ARHGAP6: variants seen among roughly 807,000 people sequenced by gnomAD.
The protein encoded by ARHGAP6 is Rho GTPase activating protein 6, also known as rho GTPase-activating protein 6.
A neutral mutation model predicts 55.7 loss-of-function variants in ARHGAP6; 16 were observed. That is an observed-to-expected ratio of 0.29 (90% CI 0.19 to 0.44). The LOEUF (loss-of-function observed/expected upper bound fraction) is 0.44. ARHGAP6 is among the 20% of genes least tolerant of loss of function. The pLI, the probability that ARHGAP6 is intolerant of heterozygous loss-of-function variation, is 1.00. For missense variants in ARHGAP6, 698 were observed against 808.9 expected, an observed-to-expected ratio of 0.86 and a Z score of 1.66; for synonymous variants, 382 against 360.9, an observed-to-expected ratio of 1.06 and a Z score of -0.66.
At chrX:11,536,822 G>T (rs187673418) in intron 1 of ARHGAP6, among the ~76,000 whole-genome samples, 215 of 112,074 alleles carry the variant, frequency 1.9e-3, no homozygotes, top group Non-Finnish European at 3.6e-3. Flanking sequence ...TAAAAAGTAC[G>T]CTTGAACTCT....
At chrX:11,221,561 G>A (rs1221906807) in intron 2 of ARHGAP6, among the ~76,000 whole-genome samples, 2 of 111,759 alleles carry the variant, frequency 1.8e-5, no homozygotes, top group Non-Finnish European at 3.8e-5. Context: ...TGTGGAATGT[G>A]AGAATGCTTC....
intron 1 of ARHGAP6, among the ~76,000 whole-genome samples, chrX:11,415,580 A>G (rs1227082094): frequency 8.9e-6 from 1 of 112,247 alleles, no homozygotes; most frequent in African/African-American, 3.2e-5. Flanking sequence ...GTTGCTTCAC[A>G]TCCTTACCAC....
chrX:11,645,284 A>G (rs1274623381), intron 1 of ARHGAP6, among the ~76,000 whole-genome samples: 1 of 111,399 alleles, frequency 9.0e-6, no homozygotes, highest in African/African-American at 3.3e-5. Context: ...TGCATGTACT[A>G]AAATCCATAG....
chrX:11,495,002 G>A, intron 1 of ARHGAP6, among the ~76,000 whole-genome samples: 1 of 111,895 alleles, frequency 8.9e-6, no homozygotes. Context: ...AACATATTTA[G>A]GAAATATTGG....
chrX:11,611,580 T>C (rs1010602016), intron 1 of ARHGAP6, among the ~76,000 whole-genome samples: 18 of 111,874 alleles, frequency 1.6e-4, no homozygotes, highest in Non-Finnish European at 3.2e-4. Flanking sequence ...ATAATTTATA[T>C]GTCCCTGCCT....
intron 1 of ARHGAP6, among the ~76,000 whole-genome samples, chrX:11,487,107 G>A (rs1424933255): frequency 1.8e-5 from 2 of 112,028 alleles, no homozygotes; most frequent in Non-Finnish European, 3.8e-5. Flanking sequence ...TAGAAGCATT[G>A]GTGTGAAGTC....
In ARHGAP6 at chrX:11,195,741, T is replaced by C. The variant is rs1247457878; in HGVS notation, c.820+1184A>G. On this transcript the variant is annotated intron_variant, in intron 3 of 12. Transcript: ENST00000337414. ...TGCTTACCTGGGTGATGAAATAATC[T>C]GTACAACAAACTCTTGCAACACACA... 5.5e-5 allele frequency among the ~76,000 whole-genome samples: 6 copies of C among 108,799 alleles called. No homozygotes were observed. In the Admixed American group the frequency reaches 6.0e-4, roughly 11 times the overall value. The allele number at this position is 108,799 out of a possible 115,157, so 94.5% of individuals were successfully genotyped here. A position where few individuals can be genotyped will look rare whatever the true frequency, so the allele number is the denominator to read the frequency against.
chrX:11,186,984 G>A (rs2046393766), intron 4 of ARHGAP6, among the ~76,000 whole-genome samples: 1 of 110,994 alleles, frequency 9.0e-6, no homozygotes, highest in African/African-American at 3.3e-5. Context: ...GATGAAGGGA[G>A]CATTATCAAG....
Position 11,535,033 on chromosome X carries a change from C to T in ARHGAP6, c.588+129208G>A, listed in dbSNP as rs1290649941. ...TTTCTTCCCCCCATTTCACCATCAT[C>T]CTCCTTTATCTTATTAGTTTCAAAT... On this transcript the variant is annotated intron_variant, in intron 1 of 12. Coordinates refer to ENST00000337414, the MANE Select transcript of ARHGAP6 (RefSeq NM_013427.3). Among the ~76,000 whole-genome samples, 3 of 111,146 alleles carry T rather than the reference C, an allele frequency of 2.7e-5. No homozygotes were observed. In the Admixed American group the frequency reaches 2.9e-4, roughly 11 times the overall value.
At chrX:11,182,834 C>T (rs921669033) in intron 5 of ARHGAP6, among the ~76,000 whole-genome samples, 16 of 109,129 alleles carry the variant, frequency 1.5e-4, no homozygotes, top group African/African-American at 5.3e-4. Context: ...CAGGGTTTTG[C>T]CATGTTCCCA....
chrX:11,331,490 G>C (rs1445912287), intron 1 of ARHGAP6, among the ~76,000 whole-genome samples: 1 of 111,695 alleles, frequency 9.0e-6, no homozygotes, highest in Non-Finnish European at 1.9e-5. Flanking sequence ...TAATCAATCT[G>C]CCTCATGCCA....
chrX:11,462,719 G>T (rs995777025), intron 1 of ARHGAP6, among the ~76,000 whole-genome samples: 2 of 112,229 alleles, frequency 1.8e-5, no homozygotes, highest in African/African-American at 6.5e-5. Context: ...TTACCTGCAT[G>T]GGATTCAAAT....
chrX:11,451,259 T>C, intron 1 of ARHGAP6, among the ~76,000 whole-genome samples: 1 of 111,900 alleles, frequency 8.9e-6, no homozygotes, highest in Non-Finnish European at 1.9e-5. Context: ...CTCTCCTTTA[T>C]TTTTCATAAT....
chrX:11,265,340 T>C (rs1159294003), intron 1 of ARHGAP6, among the ~76,000 whole-genome samples: 1 of 112,344 alleles, frequency 8.9e-6, no homozygotes, highest in Non-Finnish European at 1.9e-5. Flanking sequence ...TGCACCCATA[T>C]TCAAGAAGTT....
intron 1 of ARHGAP6, among the ~76,000 whole-genome samples, chrX:11,413,103 C>T (rs1427801335): frequency 5.4e-5 from 6 of 112,048 alleles, no homozygotes; most frequent in Non-Finnish European, 1.1e-4. Flanking sequence ...CCCTCAGAGA[C>T]ATTTTCCTGG....
intron 1 of ARHGAP6, among the ~76,000 whole-genome samples, chrX:11,314,618 T>C (rs1414562153): frequency 1.8e-5 from 2 of 112,263 alleles, no homozygotes; most frequent in Non-Finnish European, 1.9e-5. Context: ...GCAAAAGATA[T>C]GATCTCATTC....
intron 2 of ARHGAP6, among the ~76,000 whole-genome samples, chrX:11,230,655 A>T (rs1214059271): frequency 9.2e-6 from 1 of 108,602 alleles, no homozygotes; most frequent in Non-Finnish European, 1.9e-5. Flanking sequence ...ATGTGTGTAT[A>T]TACGTATATA....
At chrX:11,439,422 G>A (rs1278878280) in intron 1 of ARHGAP6, among the ~76,000 whole-genome samples, 1 of 112,195 alleles carries the variant, frequency 8.9e-6, no homozygotes, top group Admixed American at 9.4e-5. Flanking sequence ...CAGCAGAGGT[G>A]AGCAGTTGCC....
chrX:11,223,514 C>T (rs2047002128), intron 2 of ARHGAP6, among the ~76,000 whole-genome samples: 1 of 111,085 alleles, frequency 9.0e-6, no homozygotes, highest in Non-Finnish European at 1.9e-5. Flanking sequence ...AATAGTCTTC[C>T]TGTAAAATTA....
Sources: allele counts gnomAD v4.1 joint callset (sites outside exome capture counted in the v4.1 genomes callset), GRCh38; gene constraint gnomAD v4.1.1; transcripts MANE v1.5; gene names NCBI Gene and HGNC (gene_info 2026-07-23, HGNC 2026-07-21).